ASTN1: variants seen among roughly 807,000 people sequenced by gnomAD.
ASTN1 encodes astrotactin-1.
Under a neutral mutation model 140.7 loss-of-function variants are expected in ASTN1, and 41 were observed. The ratio of observed to expected loss-of-function variants is 0.29; its 90% CI spans 0.23 to 0.38. The LOEUF is 0.38. Among genes scored for constraint, ASTN1 ranks in the 10% least tolerant of loss-of-function variants. The pLI, the probability that ASTN1 is intolerant of heterozygous loss-of-function variation, is 1.00. For missense variants in ASTN1, 1,479 were observed against 1,678.8 expected (o/e 0.88, Z 2.08); for synonymous variants, 640 against 652.2 (o/e 0.98, Z 0.29).
At chr1:176,888,553 A>G (rs1669137770) in intron 17 of ASTN1, among the ~76,000 whole-genome samples, 1 of 151,856 alleles carries the variant, frequency 6.6e-6, no homozygotes, top group African/African-American at 2.4e-5. Context: ...TCTACCACAC[A>G]TCTTCTGGGT....
intron 16 of ASTN1, among the ~76,000 whole-genome samples, chr1:176,902,118 C>T (rs981052116): frequency 6.6e-6 from 1 of 152,172 alleles, no homozygotes; most frequent in Non-Finnish European, 1.5e-5. Flanking sequence ...AGGGCACCTC[C>T]GCAAAATGTC....
intron 16 of ASTN1, among the ~76,000 whole-genome samples, chr1:176,918,863 A>T (rs1670606619): frequency 6.6e-6 from 1 of 152,088 alleles, no homozygotes. Context: ...CCCAGCCTCC[A>T]GCCAGGCCCC....
At chr1:176,959,558 C>T (rs1451684627) in intron 9 of ASTN1, among the ~76,000 whole-genome samples, 1 of 152,102 alleles carries the variant, frequency 6.6e-6, no homozygotes, top group Non-Finnish European at 1.5e-5. Context: ...AAGCTGGCCA[C>T]AGAGCAGACC....
At chr1:176,955,934 A>C (rs1181704964) in intron 11 of ASTN1, among the ~76,000 whole-genome samples, 3 of 152,260 alleles carry the variant, frequency 2.0e-5, no homozygotes, top group Non-Finnish European at 4.4e-5. Flanking sequence ...AGTAATAAGA[A>C]ATGAAAGGCT....
chr1:177,029,821 G>A (rs1252984747), intron 4 of ASTN1, 80 bp from the exon 5 acceptor site: 3 of 1,321,812 alleles, frequency 2.3e-6, no homozygotes, highest in Admixed American at 2.3e-5. Flanking sequence ...AGTTCAATGG[G>A]AAAATCAACA....
intron 8 of ASTN1, among the ~76,000 whole-genome samples, chr1:177,013,106 C>T (rs1232222769): frequency 2.0e-5 from 3 of 152,080 alleles, no homozygotes; most frequent in Non-Finnish European, 4.4e-5. Flanking sequence ...AACCTTCTGC[C>T]CTTCTCCCCA....
chr1:177,044,134 C>T (rs1246615188), intron 2 of ASTN1, among the ~76,000 whole-genome samples: 2 of 150,984 alleles, frequency 1.3e-5, no homozygotes, highest in Non-Finnish European at 3.0e-5. Context: ...TACAAGTCTT[C>T]AAATCCTTCC....
intron 16 of ASTN1, among the ~76,000 whole-genome samples, chr1:176,906,810 C>T (rs1328071454): frequency 6.7e-6 from 1 of 149,638 alleles, no homozygotes; most frequent in Non-Finnish European, 1.5e-5. Flanking sequence ...TGCCACTACG[C>T]TCCAGCCTGG....
intron 1 of ASTN1, among the ~76,000 whole-genome samples, chr1:177,084,875 A>G (rs1679352988): frequency 6.6e-6 from 1 of 151,402 alleles, no homozygotes; most frequent in Non-Finnish European, 1.5e-5. Flanking sequence ...TTTTCTCTTC[A>G]TGTTCCCATT....
chr1:176,933,404 T>G (rs1671290839), intron 16 of ASTN1, among the ~76,000 whole-genome samples: 1 of 152,226 alleles, frequency 6.6e-6, no homozygotes, highest in African/African-American at 2.4e-5. Context: ...TATCTACAAC[T>G]TGGCCTCATC....
chr1:176,915,114 A>T (rs1670425131), intron 16 of ASTN1, among the ~76,000 whole-genome samples: 1 of 152,168 alleles, frequency 6.6e-6, no homozygotes, highest in Admixed American at 6.5e-5. Context: ...CCAAGGAAAA[A>T]ATATAGCATA....
Position 176,934,254 on chromosome 1 carries a change from T to C in ASTN1, c.2569A>G (p.Ile857Val). Reference sequence around the variant, plus strand: ...TCAAAGCCGTAGATAGCTTCCTGGATGTAATGGTTGCCGAACTGGTCCAAC... The same window carrying C: ...TCAAAGCCGTAGATAGCTTCCTGGACGTAATGGTTGCCGAACTGGTCCAAC... ...ALLDQFGNHY[I>V]QEAIYGFEES... The change falls in exon 16 of 23, where the codon ATC (isoleucine) becomes GTC (valine). Residue 857 changes from isoleucine to valine, a missense_variant. Coordinates refer to ENST00000361833, the MANE Select transcript of ASTN1 (RefSeq NM_004319.3). 1 of 1,614,036 alleles carries C rather than the reference T, an allele frequency of 6.2e-7. No individual in the cohort carries two copies. Among genetic ancestry groups the C allele is most frequent in the Non-Finnish European group, 8.5e-7 (1 of 1,179,960 alleles).
At chr1:177,148,826 G>A (rs1436466062) in intron 1 of ASTN1, among the ~76,000 whole-genome samples, 1 of 151,792 alleles carries the variant, frequency 6.6e-6, no homozygotes. Context: ...GGTGACCTCA[G>A]TGCAATGAAG....
At chr1:176,957,919 C>G in intron 10 of ASTN1, 91 bp from the exon 11 acceptor site, 1 of 1,420,812 alleles carries the variant, frequency 7.0e-7, no homozygotes, top group African/African-American at 1.4e-5. Flanking sequence ...ATCTAGTCAA[C>G]TGAATTGTGT....
chr1:176,951,772 G>A (rs1211875678), intron 11 of ASTN1, among the ~76,000 whole-genome samples: 23 of 152,168 alleles, frequency 1.5e-4, no homozygotes, highest in Non-Finnish European at 3.1e-4. Context: ...TTGCAGAAAA[G>A]ACAGTTAGCT....
chr1:176,862,431 C>T lies in ASTN1; in HGVS notation c.*1853G>A, dbSNP rs553069726. The T allele has an allele frequency of 2.9e-5, 29 of 985,368 alleles. No individual in the cohort carries two copies. In the East Asian group the frequency reaches 1.8e-3, roughly 62 times the overall value. The allele number at this position is 985,368 out of a possible 1,614,324, so 61.0% of individuals were successfully genotyped here. On this transcript the variant is annotated 3_prime_UTR_variant, in exon 23 of 23. Transcript: ENST00000361833. ...GCTCCAAAGGCTAAGGGCGTACTTT[C>T]GCCCCTCCTCCTTCCACTGCACAGA... is the stretch of plus-strand genomic sequence containing the variant.
At chr1:176,886,493 G>C (rs1040453273) in intron 18 of ASTN1, among the ~76,000 whole-genome samples, 1 of 152,176 alleles carries the variant, frequency 6.6e-6, no homozygotes, top group Non-Finnish European at 1.5e-5. Context: ...TATTAATAAT[G>C]AGCTTGATTC....
At chr1:176,962,767 T>C (rs544495805) in intron 9 of ASTN1, among the ~76,000 whole-genome samples, 4 of 152,204 alleles carry the variant, frequency 2.6e-5, no homozygotes, top group Non-Finnish European at 5.9e-5. Flanking sequence ...ATTAATTAGT[T>C]TGCTCTGGGT....
intron 1 of ASTN1, among the ~76,000 whole-genome samples, chr1:177,071,311 G>T (rs1678624695): frequency 6.6e-6 from 1 of 152,188 alleles, no homozygotes; most frequent in African/African-American, 2.4e-5. Flanking sequence ...ACTTAGCAAG[G>T]CACTCATGAA....
Sources: allele counts gnomAD v4.1 joint callset (sites outside exome capture counted in the v4.1 genomes callset), GRCh38; gene constraint gnomAD v4.1.1; transcripts MANE v1.5; gene names NCBI Gene and HGNC (gene_info 2026-07-23, HGNC 2026-07-21).